Variants in TTF1 observed in about 807,000 individuals in gnomAD.
TTF1 encodes the protein transcription termination factor, RNA polymerase I.
Under a neutral mutation model 80.2 loss-of-function variants are expected in TTF1, and 64 were observed. The observed-to-expected ratio is 0.80, with a 90% confidence interval of 0.65 to 0.98. The LOEUF is 0.98. Ranked by LOEUF, TTF1 falls within the 50% of genes least tolerant of loss-of-function variation. The probability of loss-of-function intolerance (pLI) is 0.00; values close to 1 mark genes in which losing one functional copy is unlikely to be tolerated. For synonymous variants in TTF1, 372 were observed against 382.7 expected, an observed-to-expected ratio of 0.97 and a Z score of 0.33; for missense variants, 1,023 against 1,086.2, an observed-to-expected ratio of 0.94 and a Z score of 0.82.
intron 5 of TTF1, among the ~76,000 whole-genome samples, chr9:132,392,688 C>T (rs146516207): frequency 5.1e-4 from 78 of 152,284 alleles, no homozygotes; most frequent in African/African-American, 1.8e-3. Flanking sequence ...CCTCTTCCTC[C>T]AGACCAGCAC....
intron 10 of TTF1, among the ~76,000 whole-genome samples, chr9:132,377,282 G>A (rs1437876606): frequency 6.8e-6 from 1 of 146,598 alleles, no homozygotes; most frequent in Admixed American, 6.8e-5. Context: ...GTGAGTGCAT[G>A]TGGTGCATGT....
intron 10 of TTF1, 56 bp from the exon 11 acceptor site, chr9:132,376,224 A>T: frequency 2.6e-6 from 4 of 1,548,536 alleles, no homozygotes; most frequent in Non-Finnish European, 3.5e-6. Context: ...CCTCTTATCA[A>T]GGTCGAGGCA....
chr9:132,387,490 G>C (rs1018971737), intron 8 of TTF1, among the ~76,000 whole-genome samples: 3 of 145,382 alleles, frequency 2.1e-5, no homozygotes, highest in African/African-American at 7.3e-5. Flanking sequence ...TCCACCCCTA[G>C]GAAAGAGGAT....
At chr9:132,403,697 A>G (rs1849810183) in intron 1 of TTF1, among the ~76,000 whole-genome samples, 2 of 152,262 alleles carry the variant, frequency 1.3e-5, no homozygotes, top group South Asian at 4.1e-4. Flanking sequence ...AAAAAAGAAA[A>G]CAAGGAAGAA....
Position 132,401,689 on chromosome 9 carries a change from C to G in TTF1, c.1133G>C (p.Gly378Ala), listed in dbSNP as rs562584082. The change falls in exon 2 of 11, where the codon GGG (glycine) becomes GCG (alanine). Residue 378 changes from glycine (G) to alanine (A), a missense_variant. Coordinates refer to ENST00000334270, the MANE Select transcript of TTF1 (RefSeq NM_007344.4). Reference sequence around the variant, plus strand: ...CTTTGTACTGTTGGATTCCTTGAACCCTTTAAGAGCTGTACTGCCTTCCAC... The same window carrying G: ...CTTTGTACTGTTGGATTCCTTGAACGCTTTAAGAGCTGTACTGCCTTCCAC... Reference protein sequence around the residue: ...GTVEGSTALKGFKESNSTKKK... With the variant: ...GTVEGSTALKAFKESNSTKKK... The G allele has an allele frequency of 9.3e-6, 15 of 1,614,120 alleles. No individual in the cohort carries two copies. Among genetic ancestry groups the G allele is most frequent in the Middle Eastern group, 1.6e-4 (1 of 6,084 alleles).
chr9:132,394,399 C>A (rs1314406226), intron 5 of TTF1, among the ~76,000 whole-genome samples: 1 of 152,092 alleles, frequency 6.6e-6, no homozygotes, highest in Non-Finnish European at 1.5e-5. Context: ...CCTGCCTCAG[C>A]CTCCCAAGTA....
rs1849504956 is a variant in TTF1, at chr9:132,388,231, A to G, written c.2223-3T>C. 2 of 1,592,436 alleles carry G rather than the reference A, an allele frequency of 1.3e-6. No individual in the cohort carries two copies. The highest frequency in any genetic ancestry group is 2.7e-5 in the African/African-American group (2 of 74,642). On this transcript the variant is annotated splice_region_variant and splice_polypyrimidine_tract_variant and intron_variant, in intron 7 of 10. Transcript: ENST00000334270. ...TCCTCTTGGTTAGAATTTCTGTCCTACATTAAAAGGAAGAAAAACATAGTT... is the reference window on the plus strand; with the variant it reads ...TCCTCTTGGTTAGAATTTCTGTCCTGCATTAAAAGGAAGAAAAACATAGTT...
intron 10 of TTF1, 44 bp from the exon 11 acceptor site, chr9:132,376,212 G>A: frequency 6.3e-7 from 1 of 1,576,006 alleles, no homozygotes; most frequent in Non-Finnish European, 8.6e-7. Context: ...GTCTGTACAA[G>A]GCCTCTTATC....
chr9:132,403,508 A>G (rs1849807458), intron 1 of TTF1, among the ~76,000 whole-genome samples: 2 of 150,720 alleles, frequency 1.3e-5, no homozygotes, highest in Non-Finnish European at 3.0e-5. Context: ...CAGCCTCCCC[A>G]CCCTCCTTGC....
At chr9:132,400,339 T>C in intron 2 of TTF1, 81 bp from the exon 3 acceptor site, 2 of 1,210,034 alleles carry the variant, frequency 1.7e-6, no homozygotes, top group South Asian at 2.6e-5. Context: ...TTCTTTTTTT[T>C]CGTGAGACAG....
Position 132,402,024 on chromosome 9 carries a change from T to C in TTF1, c.798A>G (p.Leu266=). The C allele has an allele frequency of 3.1e-6, 5 of 1,614,066 alleles. No homozygotes were observed. The highest frequency in any genetic ancestry group is 4.2e-6 in the Non-Finnish European group (5 of 1,180,018). ...TVGLDDETPQ[L]LGPTHKKKSK... ...ACTTTTTTTTGTGAGTAGGTCCTAGTAGTTGTGGAGTTTCATCATCCAAGC... is the reference window on the plus strand; with the variant it reads ...ACTTTTTTTTGTGAGTAGGTCCTAGCAGTTGTGGAGTTTCATCATCCAAGC... The change falls in exon 2 of 11, where the codon CTA becomes CTG. Residue 266 remains leucine (L), a synonymous_variant. Transcript: ENST00000334270.
At position 132,402,168 on chromosome 9, in the gene TTF1, C is replaced by T; in HGVS notation, c.654G>A (p.Lys218=). ...TGGACTTTTTCTTTTTTTTCTTAGA[C>T]TTGTTTTTATGAGCAGATGCTGGTA... ...TELPASAHKN[K]SKKKKKKSSN... The change falls in exon 2 of 11, where the codon AAG becomes AAA. Residue 218 remains lysine (K), a synonymous_variant. Transcript: ENST00000334270. 1.2e-6 allele frequency: 2 copies of T among 1,613,994 alleles called. No individual in the cohort carries two copies.
At chr9:132,395,697 C>T (rs1849635479) in intron 5 of TTF1, among the ~76,000 whole-genome samples, 1 of 152,170 alleles carries the variant, frequency 6.6e-6, no homozygotes, top group Non-Finnish European at 1.5e-5. Flanking sequence ...TCTCAGTTTA[C>T]AATCACAGAG....
chr9:132,396,435 G>A lies in TTF1; in HGVS notation c.1854C>T (p.Gly618=). The A allele has an allele frequency of 6.2e-7, 1 of 1,614,106 alleles. No individual in the cohort carries two copies. The highest frequency in any genetic ancestry group is 8.5e-7 in the Non-Finnish European group (1 of 1,179,982). ...AGCTGCTAAGACTTTTTTCTTACCT[G>A]CCTTTGTAATTGTTGACATCGAACA... The part of the protein sequence containing the change: ...KKMFDVNNYK[G]RYSEGDTEKL... Residue 618 remains glycine, a splice_region_variant and synonymous_variant, in exon 5 of 11, where the codon GGC becomes GGT. Coordinates refer to ENST00000334270, the MANE Select transcript of TTF1 (RefSeq NM_007344.4).
chr9:132,398,530 G>C (rs904817667), intron 3 of TTF1, among the ~76,000 whole-genome samples: 1 of 152,102 alleles, frequency 6.6e-6, no homozygotes, highest in South Asian at 2.1e-4. Context: ...ATGTCTTCCC[G>C]GGTCATCCTA....
At chr9:132,378,269 TGTG>T (rs1211652122) in intron 10 of TTF1, among the ~76,000 whole-genome samples, 6 of 120,698 alleles carry the variant, frequency 5.0e-5, no homozygotes, top group African/African-American at 1.6e-4. Flanking sequence ...TGTGAGTGCA[TGTG>T]GTGTGTGAAT....
rs372623679 is a variant in TTF1, at chr9:132,378,187, G to A, written c.2464+872C>T. Among the ~76,000 whole-genome samples, 488 of 130,110 alleles carry A rather than the reference G, an allele frequency of 3.8e-3. 8 individuals are homozygous for A. The highest frequency in any genetic ancestry group is 0.014 in the African/African-American group (465 of 33,388). 85.4% of individuals were successfully genotyped at this position (130,110 alleles called of 152,430 possible). ...CATGTGGTGTGTGTGAATGCATGTG[G>A]TGTGAGTGCATGTGCGTGTGAATGC... On this transcript the variant is annotated intron_variant, in intron 10 of 10. Transcript: ENST00000334270.
Position 132,404,893 on chromosome 9 carries a change from CT to C in TTF1, c.-8+1896del, listed in dbSNP as rs796711549. Among the ~76,000 whole-genome samples, 470 of 149,020 alleles carry C rather than the reference CT, an allele frequency of 3.2e-3. 2 individuals are homozygous for C. The highest frequency in any genetic ancestry group is 0.011 in the African/African-American group (448 of 40,696). On this transcript the variant is annotated intron_variant, in intron 1 of 10. Transcript: ENST00000334270. ...GCAAAGCCGATTATTTCTTTTTTTTCTTTTTTTTTTGAGACGGAGTCTTGCT... is the reference window on the plus strand; with the variant it reads ...GCAAAGCCGATTATTTCTTTTTTTTCTTTTTTTTTGAGACGGAGTCTTGCT...
rs1171843853 is a variant in TTF1, at chr9:132,377,519, G to A, written c.2465-1351C>T. Among the ~76,000 whole-genome samples the A allele has an allele frequency of 1.4e-5, 2 of 141,448 alleles. 1 individual carries two copies. The highest frequency in any genetic ancestry group is 3.0e-5 in the Non-Finnish European group (2 of 66,194). 92.8% of individuals were successfully genotyped at this position (141,448 alleles called of 152,430 possible). On this transcript the variant is annotated intron_variant, in intron 10 of 10. Coordinates refer to ENST00000334270, the MANE Select transcript of TTF1 (RefSeq NM_007344.4). ...GTGAGTGCATGCATGTGGTGTGAGT[G>A]CATGCATGTAGTGTGAGTGCATGTG...
Sources: gnomAD v4.1 joint callset for allele counts (sites outside exome capture counted in the v4.1 genomes callset) on GRCh38, gnomAD v4.1.1 for gene constraint, MANE v1.5 for transcripts, NCBI Gene and HGNC (gene_info 2026-07-23, HGNC 2026-07-21) for gene names.